Variants in VDAC1 observed in about 807,000 individuals in gnomAD.
VDAC1 encodes the protein non-selective voltage-gated ion channel VDAC1.
Under a neutral mutation model 34.7 loss-of-function variants are expected in VDAC1, and 10 were observed. That is an observed-to-expected ratio of 0.29 (90% confidence interval 0.18 to 0.49). The LOEUF is 0.49. VDAC1 is among the 20% of genes least tolerant of loss of function. The pLI, the probability that VDAC1 is intolerant of heterozygous loss-of-function variation, is 0.99. For missense variants in VDAC1, 230 were observed against 347.9 expected, an observed-to-expected ratio of 0.66 and a Z score of 2.69; for synonymous variants, 130 against 136.0, an observed-to-expected ratio of 0.96 and a Z score of 0.30.
chr5:133,981,034 C>A, intron 5 of VDAC1, 78 bp from the exon 6 acceptor site: 1 of 1,261,066 alleles, frequency 7.9e-7, no homozygotes, highest in Non-Finnish European at 1.1e-6. Flanking sequence ...TTTTTTTAAT[C>A]CCAGGTCAAA....
the VDAC1 span, among the ~76,000 whole-genome samples, chr5:134,078,332 C>A: frequency 1.3e-5 from 2 of 152,044 alleles, no homozygotes; most frequent in African/African-American, 4.8e-5. Flanking sequence ...AGGGGGGAGG[C>A]GAGGGATTCG....
intron 1 of VDAC1, among the ~76,000 whole-genome samples, chr5:134,000,754 C>T (rs1753518411): frequency 6.6e-6 from 1 of 152,146 alleles, no homozygotes; most frequent in Non-Finnish European, 1.5e-5. Context: ...CGTTAATATA[C>T]AACACTTGGT....
the VDAC1 span, among the ~76,000 whole-genome samples, chr5:134,023,816 A>G: frequency 1.3e-5 from 2 of 152,086 alleles, no homozygotes; most frequent in Non-Finnish European, 2.9e-5. Flanking sequence ...AGGCCTCTCC[A>G]AAGAGGTGAC....
the VDAC1 span, among the ~76,000 whole-genome samples, chr5:134,035,978 C>A: frequency 7.0e-6 from 1 of 142,160 alleles, no homozygotes; most frequent in Non-Finnish European, 1.5e-5. Flanking sequence ...TGCACTCCAA[C>A]CCGGACAACA....
chr5:134,002,148 A>G (rs1753583675), intron 1 of VDAC1, among the ~76,000 whole-genome samples: 1 of 151,908 alleles, frequency 6.6e-6, no homozygotes, highest in Non-Finnish European at 1.5e-5. Context: ...GTGCTTCAGG[A>G]GCATCTTCCT....
At chr5:134,083,030 A>T in the VDAC1 span, among the ~76,000 whole-genome samples, 1 of 152,234 alleles carries the variant, frequency 6.6e-6, no homozygotes, top group Non-Finnish European at 1.5e-5. Flanking sequence ...TTGTGGTATG[A>T]CATAAAATAT....
rs140190004 is a variant in VDAC1 at position 133,980,826 on chromosome 5, C to T, written c.454G>A (p.Gly152Ser). Reference sequence around the variant, plus strand: ...GCAGTCTCAAAATTCATCTGGTAGCCGGCCAGCCAGCCCTCGTAACCTAGC... The same window carrying T: ...GCAGTCTCAAAATTCATCTGGTAGCTGGCCAGCCAGCCCTCGTAACCTAGC... ...LVLGYEGWLAGYQMNFETAKS... is the reference protein window; with the variant it reads ...LVLGYEGWLASYQMNFETAKS... Residue 152 changes from glycine (G) to serine (S), a missense_variant, in exon 6 of 9, where the codon GGC (glycine) becomes AGC (serine). Physicochemically the swap from Gly to Ser is moderately conservative, Grantham distance 56. Transcript: ENST00000265333. 88 of 1,613,286 alleles carry T rather than the reference C, an allele frequency of 5.5e-5. No homozygotes were observed. Among genetic ancestry groups the T allele is most frequent in the Non-Finnish European group, 7.2e-5 (85 of 1,179,826 alleles).
the VDAC1 span, among the ~76,000 whole-genome samples, chr5:134,020,397 T>C: frequency 2.6e-5 from 4 of 151,688 alleles, no homozygotes; most frequent in Non-Finnish European, 4.4e-5. Context: ...TCCCCTTAAC[T>C]GTGCTAAAGG....
chr5:134,101,871 A>G, the VDAC1 span, among the ~76,000 whole-genome samples: 2 of 151,650 alleles, frequency 1.3e-5, no homozygotes, highest in African/African-American at 2.4e-5. Flanking sequence ...ATGCAGCCTG[A>G]CCCTCCCATT....
chr5:133,993,231 G>A (rs1329721887), intron 1 of VDAC1, among the ~76,000 whole-genome samples: 2 of 152,138 alleles, frequency 1.3e-5, no homozygotes, highest in Non-Finnish European at 2.9e-5. Context: ...AGTCTTTGTT[G>A]ACAGATGATC....
chr5:134,097,614 T>C, the VDAC1 span, among the ~76,000 whole-genome samples: 4 of 152,176 alleles, frequency 2.6e-5, no homozygotes, highest in African/African-American at 9.7e-5. Flanking sequence ...GTCATTTCAA[T>C]GGCTGGAAGG....
chr5:134,071,126 G>C, the VDAC1 span, among the ~76,000 whole-genome samples: 160 of 152,306 alleles, frequency 1.1e-3, 1 homozygote, highest in African/African-American at 3.5e-3. This position sits in a 1 kb window ranked among gnomAD's most constrained non-coding sequence, Gnocchi z 4.1. Flanking sequence ...TCGACCCCGC[G>C]ACCCCGGAGG....
At chr5:134,012,954 C>T in the VDAC1 span, among the ~76,000 whole-genome samples, 2 of 152,128 alleles carry the variant, frequency 1.3e-5, no homozygotes, top group South Asian at 2.1e-4. Flanking sequence ...CTACAACCAA[C>T]TAATCTTCAA....
At chr5:134,103,502 G>A in the VDAC1 span, among the ~76,000 whole-genome samples, 2 of 152,050 alleles carry the variant, frequency 1.3e-5, no homozygotes, top group South Asian at 2.1e-4. Context: ...AGGAGAGATC[G>A]ACTCCCCTCT....
At chr5:134,070,522 G>A in the VDAC1 span, among the ~76,000 whole-genome samples, 1 of 152,044 alleles carries the variant, frequency 6.6e-6, no homozygotes, top group Non-Finnish European at 1.5e-5. Context: ...TTTCAGAAAC[G>A]CCTAAGATAA....
chr5:134,093,808 C>T, the VDAC1 span, among the ~76,000 whole-genome samples: 1 of 152,174 alleles, frequency 6.6e-6, no homozygotes, highest in African/African-American at 2.4e-5. Context: ...CTCTGCTGCC[C>T]AGAGGACTGA....
the VDAC1 span, among the ~76,000 whole-genome samples, chr5:134,089,769 C>T: frequency 1.3e-5 from 2 of 152,048 alleles, no homozygotes; most frequent in South Asian, 4.1e-4. Context: ...GCGGGTGGAT[C>T]ACTTGAGGTC....
At chr5:134,064,044 C>A in the VDAC1 span, among the ~76,000 whole-genome samples, 34 of 148,770 alleles carry the variant, frequency 2.3e-4, no homozygotes, top group South Asian at 2.1e-3. Flanking sequence ...CCCTATGTTG[C>A]CCAGGCTGGT....
chr5:134,035,254 T>C, the VDAC1 span, among the ~76,000 whole-genome samples: 7 of 152,152 alleles, frequency 4.6e-5, no homozygotes, highest in Non-Finnish European at 7.3e-5. Context: ...TTGTTGTGTT[T>C]TGTTTTTGAG....
Sources: gnomAD v4.1 joint callset for allele counts (sites outside exome capture counted in the v4.1 genomes callset) on GRCh38, gnomAD v4.1.1 for gene constraint, Gnocchi (gnomAD v3.1) non-coding constraint, MANE v1.5 for transcripts, NCBI Gene and HGNC (gene_info 2026-07-23, HGNC 2026-07-21) for gene names.